The following DOCK3 variants were observed in gnomAD, a reference collection of about 807,000 sequenced individuals.
DOCK3 encodes dedicator of cytokinesis 3.
A neutral mutation model predicts 265.6 loss-of-function variants in DOCK3; 60 were observed. That is an observed-to-expected ratio of 0.23 (90% CI 0.18 to 0.28). The LOEUF (loss-of-function observed/expected upper bound fraction) is 0.28. Ranked by LOEUF, DOCK3 falls within the 10% of genes least tolerant of loss-of-function variation. The probability of loss-of-function intolerance (pLI) is 1.00; values close to 1 mark genes in which losing one functional copy is unlikely to be tolerated. For missense variants in DOCK3, 1,981 were observed against 2,594.3 expected (o/e 0.76, Z 5.14); for synonymous variants, 881 against 938.0 (o/e 0.94, Z 1.11).
intron 3 of DOCK3, chr3:50,863,285 C>T (rs1354577649): frequency 4.7e-6 from 2 of 426,850 alleles, no homozygotes; most frequent in East Asian, 6.1e-5. Flanking sequence ...TGACAAGTGC[C>T]GAACCTGTAT....
At chr3:51,148,483 A>G (rs1049119141) in intron 10 of DOCK3, among the ~76,000 whole-genome samples, 3 of 152,186 alleles carry the variant, frequency 2.0e-5, no homozygotes, top group Non-Finnish European at 4.4e-5. Context: ...TAGGTCCAAC[A>G]TTTAAGTCCT....
chr3:51,018,145 A>G (rs34563986), intron 5 of DOCK3, among the ~76,000 whole-genome samples: 127,593 of 151,718 alleles, frequency 0.84, 54,219 homozygotes, highest in East Asian at 0.95. Flanking sequence ...ACCCATCTCA[A>G]TGTCCCAAAG....
At chr3:50,839,833 A>G (rs2045732617) in intron 2 of DOCK3, among the ~76,000 whole-genome samples, 1 of 148,222 alleles carries the variant, frequency 6.7e-6, no homozygotes, top group Non-Finnish European at 1.5e-5. Context: ...CAGTGGCACC[A>G]TCTCAGCTCA....
chr3:51,134,474 A>G (rs1274749010), intron 9 of DOCK3, among the ~76,000 whole-genome samples: 2 of 152,168 alleles, frequency 1.3e-5, no homozygotes, highest in Non-Finnish European at 2.9e-5. Context: ...TTGCCATTCA[A>G]GTTTCTGCTT....
chr3:50,904,895 G>T (rs2049399248), intron 4 of DOCK3, among the ~76,000 whole-genome samples: 1 of 152,054 alleles, frequency 6.6e-6, no homozygotes, highest in African/African-American at 2.4e-5. Context: ...ATGGTTTTAG[G>T]TCTAACATTT....
chr3:50,979,414 T>G (rs954143083), intron 5 of DOCK3, among the ~76,000 whole-genome samples: 2 of 152,142 alleles, frequency 1.3e-5, no homozygotes, highest in African/African-American at 4.8e-5. Flanking sequence ...TGGGGGTGGA[T>G]CTCTCATGAA....
At chr3:51,171,522 C>T (rs996402116) in intron 12 of DOCK3, among the ~76,000 whole-genome samples, 1 of 152,002 alleles carries the variant, frequency 6.6e-6, no homozygotes, top group African/African-American at 2.4e-5. Flanking sequence ...CACGACCATC[C>T]TGGCTAACAC....
chr3:51,020,286 T>G (rs1315218174), intron 5 of DOCK3, among the ~76,000 whole-genome samples: 2 of 151,804 alleles, frequency 1.3e-5, no homozygotes, highest in Admixed American at 6.5e-5. Context: ...AAGTATCTGT[T>G]CACGTCTTTT....
intron 5 of DOCK3, among the ~76,000 whole-genome samples, chr3:50,962,239 T>A (rs2076909713): frequency 6.6e-6 from 1 of 152,132 alleles, no homozygotes; most frequent in Non-Finnish European, 1.5e-5. Flanking sequence ...ACTTATGAGA[T>A]GAACCACCTT....
At chr3:50,919,813 A>T (rs1227213911) in intron 4 of DOCK3, among the ~76,000 whole-genome samples, 1 of 152,180 alleles carries the variant, frequency 6.6e-6, no homozygotes, top group African/African-American at 2.4e-5. Context: ...GAGACAGGAC[A>T]TCCCTGTCTT....
chr3:50,829,037 T>C (rs551712503), intron 2 of DOCK3, among the ~76,000 whole-genome samples: 1 of 152,196 alleles, frequency 6.6e-6, no homozygotes, highest in South Asian at 2.1e-4. Context: ...AATTATCTCT[T>C]TACCATGCTT....
At chr3:50,732,596 A>G (rs916017157) in intron 1 of DOCK3, among the ~76,000 whole-genome samples, 5 of 152,076 alleles carry the variant, frequency 3.3e-5, no homozygotes, top group Non-Finnish European at 5.9e-5. Context: ...TTTTTTGTAG[A>G]GACAGTGTCT....
At chr3:50,785,451 G>A (rs1456324539) in intron 2 of DOCK3, among the ~76,000 whole-genome samples, 1 of 152,096 alleles carries the variant, frequency 6.6e-6, no homozygotes, top group Non-Finnish European at 1.5e-5. Flanking sequence ...GTTGGCTGTG[G>A]GTTTGTCATA....
chr3:51,336,865 C>A (rs771653884), intron 35 of DOCK3: 1 of 456,078 alleles, frequency 2.2e-6, no homozygotes, highest in South Asian at 1.5e-5. Context: ...ATAGAAAATA[C>A]AAATCACTAA....
At chr3:50,929,895 G>A (rs1024662469) in intron 4 of DOCK3, among the ~76,000 whole-genome samples, 7 of 152,122 alleles carry the variant, frequency 4.6e-5, no homozygotes, top group Admixed American at 1.3e-4. Flanking sequence ...GTCAACAATA[G>A]CTACCATTTA....
At chr3:51,358,666 A>G (rs2086534325) in intron 46 of DOCK3, among the ~76,000 whole-genome samples, 1 of 152,172 alleles carries the variant, frequency 6.6e-6, no homozygotes, top group Non-Finnish European at 1.5e-5. Flanking sequence ...GATGAGCAGT[A>G]CTTTCATGCT....
intron 27 of DOCK3, among the ~76,000 whole-genome samples, chr3:51,300,158 T>C (rs905295107): frequency 1.9e-4 from 29 of 152,310 alleles, no homozygotes; most frequent in African/African-American, 6.7e-4. Context: ...CTAGATATTT[T>C]ATTCTCTTTG....
At position 50,675,259 on chromosome 3, in the gene DOCK3, C is replaced by A; in HGVS notation, c.-5C>A. 8.2e-7 allele frequency: 1 copy of A among 1,222,464 alleles called. No individual in the cohort carries two copies. 75.7% of individuals were successfully genotyped at this position (1,222,464 alleles called of 1,614,324 possible). On this transcript the variant is annotated 5_prime_UTR_variant, in exon 1 of 53. Transcript: ENST00000266037. This position sits in a 1 kb window ranked among gnomAD's most constrained non-coding sequence, Gnocchi z 6.1. ...CGCGCCCGCGGGGCCGCGCCCGGCA[C>A]GGCCATGTGGACCCCCACGGAGGAG...
intron 3 of DOCK3, among the ~76,000 whole-genome samples, chr3:50,860,427 A>G (rs1407193255): frequency 6.6e-6 from 1 of 151,992 alleles, no homozygotes; most frequent in Admixed American, 6.6e-5. Context: ...CCCAGTGAGG[A>G]GATATGGGAA....
Sources: gnomAD v4.1 joint callset for allele counts (sites outside exome capture counted in the v4.1 genomes callset) on GRCh38, gnomAD v4.1.1 for gene constraint, Gnocchi (gnomAD v3.1) non-coding constraint, MANE v1.5 for transcripts, NCBI Gene and HGNC (gene_info 2026-07-23, HGNC 2026-07-21) for gene names.